The following HSPA13 variants were observed in gnomAD, a reference collection of about 807,000 sequenced individuals.
HSPA13 encodes the protein heat shock 70 kDa protein 13.
HSPA13 carries 29 observed loss-of-function variants against 38.8 expected under a neutral mutation model. That is an observed-to-expected ratio of 0.75 (90% CI 0.56 to 1.02). The LOEUF (loss-of-function observed/expected upper bound fraction) is 1.02. Ranked by LOEUF, HSPA13 falls within the 50% of genes least tolerant of loss-of-function variation. The pLI, the probability that HSPA13 is intolerant of heterozygous loss-of-function variation, is 0.00. For synonymous variants in HSPA13, 192 were observed against 205.3 expected, an observed-to-expected ratio of 0.94 and a Z score of 0.56; for missense variants, 451 against 560.9, an observed-to-expected ratio of 0.80 and a Z score of 1.98.
rs1201920466 is a variant in HSPA13 at position 14,373,035 on chromosome 21, CAAG to C, written c.*579_*581del. 6.6e-6 allele frequency: 1 copy of C among 152,242 alleles called. No individual in the cohort carries two copies. The highest frequency in any genetic ancestry group is 2.4e-5 in the African/African-American group (1 of 41,416). 9.4% of individuals were successfully genotyped at this position (152,242 alleles called of 1,614,324 possible). ...TAAAACTCCTGGAGAATGCAGATTA[CAAG>C]AATATGACACTTAACAGGATACTGA... On this transcript the variant is annotated 3_prime_UTR_variant, in exon 5 of 5. Transcript: ENST00000285667.
chr21:14,374,034 A>C lies in HSPA13; in HGVS notation c.999T>G (p.Leu333=). ...TCACGCGATGGTCATCTGCTGAGGA[A>C]AGTTTGTCTTTTGGCAGTTCAGTGT... is the stretch of plus-strand genomic sequence containing the variant. ...SSDTELPKDK[L]SSADDHRVNS... is the part of the protein sequence containing the mutation. The change falls in exon 5 of 5, where the codon CTT becomes CTG. Residue 333 remains leucine (L), a synonymous_variant. Transcript: ENST00000285667. 1.2e-6 allele frequency: 2 copies of C among 1,614,178 alleles called. No homozygotes were observed. The highest frequency in any genetic ancestry group is 1.7e-6 in the Non-Finnish European group (2 of 1,180,030).
At chr21:14,381,662 A>C (rs1366539584) in intron 1 of HSPA13, 119 bp from the exon 2 acceptor site, 2 of 870,410 alleles carry the variant, frequency 2.3e-6, no homozygotes, top group Non-Finnish European at 3.3e-6. Flanking sequence ...ACAAATTTCA[A>C]AATTTTTTAT....
At chr21:14,383,056 C>T (rs568212281) in intron 1 of HSPA13, 39 bp downstream of exon 1, 2 of 1,613,750 alleles carry the variant, frequency 1.2e-6, no homozygotes, top group South Asian at 1.1e-5. Flanking sequence ...CAGATCGCCT[C>T]TACGCCCGCA....
intron 1 of HSPA13, 105 bp from the exon 2 acceptor site, chr21:14,381,648 A>G (rs1984173476): frequency 9.1e-7 from 1 of 1,095,566 alleles, no homozygotes; most frequent in Non-Finnish European, 1.2e-6. Flanking sequence ...CAAGGCTAAA[A>G]AAGACAAATT....
At position 14,371,634 on chromosome 21, in the gene HSPA13, ATTAT is replaced by A. The variant is rs1982829357; in HGVS notation, c.*1979_*1982del. ...CTGTCATTCTAATTTGCAAATAGGA[ATTAT>A]TTAAATTCCAACTTCAGGACATGAG... On this transcript the variant is annotated 3_prime_UTR_variant, in exon 5 of 5. Transcript: ENST00000285667. The A allele has an allele frequency of 6.6e-6, 1 of 152,130 alleles. No homozygotes were observed. Among genetic ancestry groups the A allele is most frequent in the Non-Finnish European group, 1.5e-5 (1 of 67,956 alleles). The allele number at this position is 152,130 out of a possible 1,614,324, so 9.4% of individuals were successfully genotyped here.
chr21:14,382,509 C>T (rs115935694), intron 1 of HSPA13, among the ~76,000 whole-genome samples: 8 of 152,176 alleles, frequency 5.3e-5, no homozygotes, highest in African/African-American at 1.9e-4. Context: ...TAATTGTTAG[C>T]TCATCCTCAT....
Position 14,374,225 on chromosome 21 carries a change from GT to G in HSPA13, c.807del (p.Lys269AsnfsTer20). 4 of 1,612,470 alleles carry G rather than the reference GT, an allele frequency of 2.5e-6. No individual in the cohort carries two copies. Among genetic ancestry groups the G allele is most frequent in the Non-Finnish European group, 3.4e-6 (4 of 1,179,946 alleles). Reference protein sequence around the residue: ...FNQRLLQYLYKQIYQTYGFVP... With the variant: ...FNQRLLQYLYXQIYQTYGFVP... ...ACGAAGCCATATGTTTGATAGATCT[GT>G]TTATATAAGTACTGAAGCAATCTCT... On this transcript the variant is annotated frameshift_variant, in exon 5 of 5. Coordinates refer to ENST00000285667, the MANE Select transcript of HSPA13 (RefSeq NM_006948.5). LOFTEE classifies it high-confidence loss of function.
intron 2 of HSPA13, among the ~76,000 whole-genome samples, chr21:14,380,963 A>T (rs941033238): frequency 6.6e-5 from 10 of 152,232 alleles, no homozygotes; most frequent in Admixed American, 2.0e-4. Flanking sequence ...AGAGCTAAGC[A>T]AGACATGCTG....
chr21:14,373,720 G>A lies in HSPA13; in HGVS notation c.1313C>T (p.Thr438Met), dbSNP rs746052483. 29 of 1,614,062 alleles carry A rather than the reference G, an allele frequency of 1.8e-5. No individual in the cohort carries two copies. The highest frequency in any genetic ancestry group is 1.3e-4 in the South Asian group (12 of 91,090). The change falls in exon 5 of 5, where the codon ACG becomes ATG. Residue 438 changes from threonine (T) to methionine (M), a missense_variant. Thr to Met is a moderately conservative substitution (Grantham distance 81). Coordinates refer to ENST00000285667, the MANE Select transcript of HSPA13 (RefSeq NM_006948.5). ...AATCCCTGCTTGGATAGCCACTCCC[G>A]TTACTACTGCTAGGTCAGGGTCTAC... The part of the protein sequence containing the change: ...TSVDPDLAVV[T>M]GVAIQAGIDG...
At position 14,378,396 on chromosome 21, in the gene HSPA13, C is replaced by G; in HGVS notation, c.383G>C (p.Gly128Ala). 1 of 1,613,208 alleles carries G rather than the reference C, an allele frequency of 6.2e-7. No individual in the cohort carries two copies. Among genetic ancestry groups the G allele is most frequent in the South Asian group, 1.1e-5 (1 of 90,954 alleles). ...ACTTGTCACAGAAAACTCAACCATT[C>G]CATTTTTGTTTAAAACCTGTGAATA... ...RYPFKVLNKN[G>A]MVEFSVTSNE... Residue 128 changes from glycine to alanine, a missense_variant, in exon 3 of 5, where the codon GGA becomes GCA. By Grantham distance (60) the Gly-to-Ala change is moderately conservative. Transcript: ENST00000285667.
Position 14,373,449 on chromosome 21 carries a change from CA to C in HSPA13, c.*167del, listed in dbSNP as rs1982874843. 1 of 596,328 alleles carries C rather than the reference CA, an allele frequency of 1.7e-6. No homozygotes were observed. The highest frequency in any genetic ancestry group is 1.9e-5 in the African/African-American group (1 of 53,936). The allele number at this position is 596,328 out of a possible 1,614,324, so 36.9% of individuals were successfully genotyped here. On this transcript the variant is annotated 3_prime_UTR_variant, in exon 5 of 5. Transcript: ENST00000285667. The stretch of plus-strand genomic sequence containing the variant: ...CAAAATCAAACAGGATCAATCTGGT[CA>C]CGTCTAATCCTAAGACAAAACACTA...
rs867017838 is a variant in HSPA13 at position 14,383,113 on chromosome 21, T to C, written c.7A>G (p.Arg3Gly). 11 of 1,614,054 alleles carry C rather than the reference T, an allele frequency of 6.8e-6. No homozygotes were observed. Among genetic ancestry groups the C allele is most frequent in the Middle Eastern group, 3.3e-4 (2 of 6,062 alleles). ...AACCCACCTAAGATCGTCATCTCTC[T>C]GGCCATCACAGTCCCGCCGAACAGG... is the stretch of plus-strand genomic sequence containing the variant. Reference protein sequence around the residue: MAREMTILGSAVL... With the variant: MAGEMTILGSAVL... Residue 3 changes from arginine (R) to glycine (G), a missense_variant, in exon 1 of 5, where the codon AGA (arginine) becomes GGA (glycine). Physicochemically the swap from Arg to Gly is moderately radical, Grantham distance 125. Coordinates refer to ENST00000285667, the MANE Select transcript of HSPA13 (RefSeq NM_006948.5).
chr21:14,376,151 G>A (rs893186792), intron 3 of HSPA13, among the ~76,000 whole-genome samples: 1 of 152,158 alleles, frequency 6.6e-6, no homozygotes, highest in Non-Finnish European at 1.5e-5. Context: ...TGGAATATAT[G>A]AGCGATAAAA....
chr21:14,382,101 G>A (rs895082869), intron 1 of HSPA13, among the ~76,000 whole-genome samples: 8 of 152,116 alleles, frequency 5.3e-5, no homozygotes, highest in Admixed American at 3.3e-4. Flanking sequence ...AAGTTCCTTA[G>A]ATATGAAACT....
At position 14,371,246 on chromosome 21, in the gene HSPA13, ATCTGTT is replaced by A. The variant is rs2123519183; in HGVS notation, c.*2365_*2370del. 6.5e-6 allele frequency: 1 copy of A among 152,794 alleles called. No individual in the cohort carries two copies. Among genetic ancestry groups the A allele is most frequent in the East Asian group, 1.9e-4 (1 of 5,194 alleles). The allele number at this position is 152,794 out of a possible 1,614,324, so 9.5% of individuals were successfully genotyped here. ...TTTAGTACATGTTATACACAGCAGT[ATCTGTT>A]AAGTCAGTGGTTTGAGTGAAAACAC... is the stretch of plus-strand genomic sequence containing the variant. On this transcript the variant is annotated 3_prime_UTR_variant, in exon 5 of 5. Coordinates refer to ENST00000285667, the MANE Select transcript of HSPA13 (RefSeq NM_006948.5).
intron 1 of HSPA13, 138 bp downstream of exon 1, chr21:14,382,957 C>A (rs1229851503): frequency 3.7e-5 from 39 of 1,068,028 alleles, no homozygotes; most frequent in Non-Finnish European, 1.4e-6. Flanking sequence ...AGCCGAAAAC[C>A]GTCTCTAAGT....
Position 14,378,871 on chromosome 21 carries a change from G to C in HSPA13, c.367-459C>G, listed in dbSNP as rs186877743. Among the ~76,000 whole-genome samples the C allele has an allele frequency of 5.3e-5, 8 of 152,046 alleles. No individual in the cohort carries two copies. In the East Asian group the frequency reaches 1.5e-3, roughly 29 times the overall value. On this transcript the variant is annotated intron_variant, in intron 2 of 4. Coordinates refer to ENST00000285667, the MANE Select transcript of HSPA13 (RefSeq NM_006948.5). ...CTGACCTTGTGATCCGCTCACCTCA[G>C]CCTCCCAAAGTGCTGGGATTACAGG...
chr21:14,376,155 G>A (rs1051280677), intron 3 of HSPA13, among the ~76,000 whole-genome samples: 40 of 152,246 alleles, frequency 2.6e-4, no homozygotes, highest in African/African-American at 8.2e-4. Context: ...ATATATGAGC[G>A]ATAAAAATTT....
chr21:14,382,596 C>A (rs1167081655), intron 1 of HSPA13, among the ~76,000 whole-genome samples: 3 of 151,900 alleles, frequency 2.0e-5, no homozygotes, highest in African/African-American at 4.8e-5. Context: ...ATTTCAGAAG[C>A]ATTTCATCAC....
Sources: gnomAD v4.1 joint callset for allele counts (sites outside exome capture counted in the v4.1 genomes callset) on GRCh38, gnomAD v4.1.1 for gene constraint, MANE v1.5 for transcripts, NCBI Gene and HGNC (gene_info 2026-07-23, HGNC 2026-07-21) for gene names.